The following MFRP variants were observed in gnomAD, a reference collection of about 807,000 sequenced individuals.
MFRP encodes membrane frizzled-related protein, also known as C1q and TNF related 5.
MFRP carries 74 observed loss-of-function variants against 65.8 expected under a neutral mutation model. The ratio of observed to expected loss-of-function variants is 1.12; its 90% CI spans 0.93 to 1.36. The LOEUF is 1.36. Among genes scored for constraint, MFRP ranks in the 40% most tolerant of loss-of-function variants. MFRP has a pLI of 0.00. For missense variants in MFRP, 838 were observed against 736.0 expected (o/e 1.14, Z -1.60); for synonymous variants, 336 against 288.3 (o/e 1.17, Z -1.68).
At position 119,344,974 on chromosome 11, in the gene MFRP, G is replaced by C. The variant is rs1565295079; in HGVS notation, c.672C>G (p.Leu224=). The part of the protein sequence containing the change: ...RVCGRVPPPT[L]NTNASHLLVV... ...CCAGGAGGTGGCTGGCATTGGTGTTGAGCGTGGGGGGAGGCACCCTTCCAC... is the reference window on the plus strand; with the variant it reads ...CCAGGAGGTGGCTGGCATTGGTGTTCAGCGTGGGGGGAGGCACCCTTCCAC... Residue 224 remains leucine (L), a synonymous_variant, in exon 6 of 15, where the codon CTC becomes CTG. Coordinates refer to ENST00000619721, the MANE Select transcript of MFRP (RefSeq NM_031433.4). The C allele has an allele frequency of 2.5e-6, 4 of 1,608,020 alleles. No homozygotes were observed. The highest frequency in any genetic ancestry group is 3.4e-6 in the Non-Finnish European group (4 of 1,178,042).
chr11:119,344,273 C>T (rs1295232487), intron 8 of MFRP, 42 bp downstream of exon 8: 11 of 1,576,346 alleles, frequency 7.0e-6, no homozygotes, highest in Non-Finnish European at 8.7e-6. Context: ...TCAGGTGCTT[C>T]CGTGTGTGCC....
In MFRP at chr11:119,339,767, G is replaced by A. The variant is rs966084500; in HGVS notation, c.*1192C>T. 10 of 1,578,044 alleles carry A rather than the reference G, an allele frequency of 6.3e-6. No individual in the cohort carries two copies. In the African/African-American group the frequency reaches 9.4e-5, roughly 15 times the overall value. On this transcript the variant is annotated 3_prime_UTR_variant, in exon 15 of 15. Coordinates refer to ENST00000619721, the MANE Select transcript of MFRP (RefSeq NM_031433.4). The surrounding 1 kb of genome is among the most constrained non-coding windows in gnomAD (Gnocchi z 5.4). ...GCTGAAGGCGGATCGCGGAGGCACCGAGCACTCCCCGGCAGGCCCGGTGGG... is the reference window on the plus strand; with the variant it reads ...GCTGAAGGCGGATCGCGGAGGCACCAAGCACTCCCCGGCAGGCCCGGTGGG...
rs1565293337 is a variant in MFRP, at chr11:119,342,869, C to G, written c.1255+4G>C. 6.2e-6 allele frequency: 10 copies of G among 1,613,118 alleles called. No homozygotes were observed. The highest frequency in any genetic ancestry group is 8.5e-6 in the Non-Finnish European group (10 of 1,179,938). On this transcript the variant is annotated splice_donor_region_variant and intron_variant, in intron 10 of 14. Transcript: ENST00000619721. ...CCCCCACCCACTTGCCCAGGGGCAC[C>G]TACTCTCCGTGGCATTGAAGGCCAG...
Position 119,339,693 on chromosome 11 carries a change from G to A in MFRP, c.*1266C>T. 1 of 1,608,430 alleles carries A rather than the reference G, an allele frequency of 6.2e-7. No individual in the cohort carries two copies. Among genetic ancestry groups the A allele is most frequent in the Non-Finnish European group, 8.5e-7 (1 of 1,179,550 alleles). ...TCGTTCACCAGCACGCGGTCGAAGG[G>A]CAAGGGTGCGTCAGACGGCGGAGGC... is the stretch of plus-strand genomic sequence containing the variant. On this transcript the variant is annotated 3_prime_UTR_variant, in exon 15 of 15. Coordinates refer to ENST00000619721, the MANE Select transcript of MFRP (RefSeq NM_031433.4). The surrounding 1 kb of genome is among the most constrained non-coding windows in gnomAD (Gnocchi z 5.4).
chr11:119,344,884 G>A lies in MFRP; in HGVS notation c.762C>T (p.Ala254=), dbSNP rs1432762303. The change falls in exon 6 of 15, where the codon GCC becomes GCT. Residue 254 remains alanine (A), a synonymous_variant. Transcript: ENST00000619721. The part of the protein sequence containing the change: ...FGFHAWYQAM[A]PGRGSCAHDE... ...TGGGAACACACTCACCGCGCCCAGG[G>A]GCCATAGCCTGGTACCAGGCATGGA... 20 of 1,613,016 alleles carry A rather than the reference G, an allele frequency of 1.2e-5. No homozygotes were observed. Among genetic ancestry groups the A allele is most frequent in the Non-Finnish European group, 1.7e-5 (20 of 1,179,922 alleles).
chr11:119,345,269 G>A (rs117866758), intron 5 of MFRP, 151 bp downstream of exon 5: 231 of 839,644 alleles, frequency 2.8e-4, no homozygotes, highest in Non-Finnish European at 4.0e-4. Context: ...TCTTCCTCAC[G>A]GCACACAGCA....
At position 119,341,223 on chromosome 11, in the gene MFRP, C is replaced by G; in HGVS notation, c.*325G>C. The G allele has an allele frequency of 1.0e-5, 4 of 395,736 alleles. 1 individual carries two copies. The highest frequency in any genetic ancestry group is 8.9e-5 in the South Asian group (3 of 33,754). The allele number at this position is 395,736 out of a possible 1,614,324, so 24.5% of individuals were successfully genotyped here. On this transcript the variant is annotated 3_prime_UTR_variant, in exon 13 of 15. Transcript: ENST00000619721. The stretch of plus-strand genomic sequence containing the variant: ...GATGCTCAGTACATTTTTGTTGAAT[C>G]AAGGAAAAGGTCAGAAGGCAGGCGA...
chr11:119,345,335 G>T, intron 5 of MFRP, 85 bp downstream of exon 5: 1 of 1,387,188 alleles, frequency 7.2e-7, no homozygotes, highest in South Asian at 1.2e-5. Context: ...TCCTCGGTTA[G>T]CCCTTCTCCC....
chr11:119,345,075 C>G, intron 5 of MFRP, 71 bp from the exon 6 acceptor site: 1 of 1,547,926 alleles, frequency 6.5e-7, no homozygotes. Context: ...CTTGCCTGGG[C>G]CTTGCAGTCC....
At chr11:119,344,044 C>T in intron 8 of MFRP, 80 bp from the exon 9 acceptor site, 2 of 1,579,410 alleles carry the variant, frequency 1.3e-6, no homozygotes, top group Non-Finnish European at 1.7e-6. Context: ...CTTCTTCCCC[C>T]ACTGCTGGCT....
In MFRP at chr11:119,342,637, C is replaced by T; in HGVS notation, c.1346G>A (p.Gly449Asp). 16 of 1,613,626 alleles carry T rather than the reference C, an allele frequency of 9.9e-6. No homozygotes were observed. Among genetic ancestry groups the T allele is most frequent in the Non-Finnish European group, 1.4e-5 (16 of 1,179,938 alleles). Residue 449 changes from glycine (G) to aspartate (D), a missense_variant, in exon 11 of 15, where the codon GGC becomes GAC. Physicochemically the swap from Gly to Asp is moderately conservative, Grantham distance 94 (BLOSUM62 -1). Coordinates refer to ENST00000619721, the MANE Select transcript of MFRP (RefSeq NM_031433.4). ...MCDMWRDCTD[G>D]SDDNCSGPLF... ...GGGGCCGCTGCAGTTGTCATCGCTG[C>T]CATCGGTGCAGTCTCTCCACATGTC...
Position 119,344,885 on chromosome 11 carries a change from G to T in MFRP, c.761C>A (p.Ala254Asp). Residue 254 changes from alanine (A) to aspartate (D), a missense_variant, in exon 6 of 15, where the codon GCC (alanine) becomes GAC (aspartate). Coordinates refer to ENST00000619721, the MANE Select transcript of MFRP (RefSeq NM_031433.4). The part of the protein sequence containing the change: ...FGFHAWYQAM[A>D]PGRGSCAHDE... ...GGGAACACACTCACCGCGCCCAGGG[G>T]CCATAGCCTGGTACCAGGCATGGAA... 1 of 1,612,986 alleles carries T rather than the reference G, an allele frequency of 6.2e-7. No individual in the cohort carries two copies. The highest frequency in any genetic ancestry group is 1.1e-5 in the South Asian group (1 of 91,024).
Position 119,345,778 on chromosome 11 carries a change from T to C in MFRP, c.422A>G (p.Gln141Arg), listed in dbSNP as rs575618592. The C allele has an allele frequency of 2.5e-6, 4 of 1,613,582 alleles. No individual in the cohort carries two copies. The highest frequency in any genetic ancestry group is 2.2e-5 in the South Asian group (2 of 91,084). ...GATCTGCCCCCAGTACTCACTGGAC[T>C]GTGGGGAGGGGCTCACGCCTGACTC... The part of the protein sequence containing the change: ...QQESGVSPSP[Q>R]STCGGLLSGP... Residue 141 changes from glutamine to arginine, a missense_variant, in exon 4 of 15, where the codon CAG (glutamine) becomes CGG (arginine). Coordinates refer to ENST00000619721, the MANE Select transcript of MFRP (RefSeq NM_031433.4).
At position 119,344,432 on chromosome 11, in the gene MFRP, G is replaced by T. The variant is rs752323232; in HGVS notation, c.899-41C>A. The stretch of plus-strand genomic sequence containing the variant: ...AGGGCTCATGAGTTTGCTAGGATCT[G>T]TGCCTCCATCCAATAGGGCTGGCGG... On this transcript the variant is annotated intron_variant, in intron 7 of 14. Coordinates refer to ENST00000619721, the MANE Select transcript of MFRP (RefSeq NM_031433.4). 5.0e-6 allele frequency: 8 copies of T among 1,594,880 alleles called. No homozygotes were observed. In the Admixed American group the frequency reaches 1.4e-4, roughly 27 times the overall value.
At position 119,340,683 on chromosome 11, in the gene MFRP, C is replaced by T. The variant is rs1188120659; in HGVS notation, c.*853+12G>A. ...CCTCCCCAGCCCCTTTCCCCTCCTC[C>T]GCCAGACTCACCCCCCCTCCCGGCT... On this transcript the variant is annotated intron_variant, in intron 13 of 14. Transcript: ENST00000619721. 49 of 464,948 alleles carry T rather than the reference C, an allele frequency of 1.1e-4. 1 individual carries two copies. The highest frequency in any genetic ancestry group is 9.2e-4 in the South Asian group (36 of 38,932). 28.8% of individuals were successfully genotyped at this position (464,948 alleles called of 1,614,324 possible). A position where few individuals can be genotyped will look rare whatever the true frequency, so the allele number is the denominator to read the frequency against.
Position 119,339,245 on chromosome 11 carries a change from G to C in MFRP, c.*1714C>G. ...TCCCTAGTCATTCACAATATTCCAG[G>C]GGGGCCAGCCCTCCTGGATGACCTG... On this transcript the variant is annotated 3_prime_UTR_variant, in exon 15 of 15. Transcript: ENST00000619721. This position sits in a 1 kb window ranked among gnomAD's most constrained non-coding sequence, Gnocchi z 5.4. The C allele has an allele frequency of 2.7e-6, 4 of 1,468,836 alleles. No homozygotes were observed. Among genetic ancestry groups the C allele is most frequent in the Non-Finnish European group, 3.7e-6 (4 of 1,078,936 alleles). 91.0% of individuals were successfully genotyped at this position (1,468,836 alleles called of 1,614,324 possible).
At chr11:119,344,581 T>C (rs1950539088) in intron 7 of MFRP, 51 bp downstream of exon 7, 1 of 1,613,350 alleles carries the variant, frequency 6.2e-7, no homozygotes, top group African/African-American at 1.3e-5. Flanking sequence ...GGAGCCCAGC[T>C]TGAACCCAGA....
At position 119,342,619 on chromosome 11, in the gene MFRP, C is replaced by A; in HGVS notation, c.1364G>T (p.Ser455Ile). ...DCTDGSDDNC[S>I]GPLFPPPELA... ...ACCTGGGGGTGGGAACAAGGGGCCGCTGCAGTTGTCATCGCTGCCATCGGT... is the reference window on the plus strand; with the variant it reads ...ACCTGGGGGTGGGAACAAGGGGCCGATGCAGTTGTCATCGCTGCCATCGGT... Residue 455 changes from serine to isoleucine, a missense_variant, in exon 11 of 15, where the codon AGC becomes ATC. Physicochemically the swap from Ser to Ile is moderately radical, Grantham distance 142 (BLOSUM62 -2). Transcript: ENST00000619721. 6.2e-7 allele frequency: 1 copy of A among 1,613,514 alleles called. No homozygotes were observed. The highest frequency in any genetic ancestry group is 8.5e-7 in the Non-Finnish European group (1 of 1,179,906).
intron 6 of MFRP, 46 bp from the exon 7 acceptor site, chr11:119,344,803 C>T: frequency 6.2e-7 from 1 of 1,613,760 alleles, no homozygotes; most frequent in Non-Finnish European, 8.5e-7. Context: ...GTCTCCACCC[C>T]TTTGACAGGA....
Sources: allele counts gnomAD v4.1 joint callset, GRCh38; gene constraint gnomAD v4.1.1; non-coding constraint Gnocchi (gnomAD v3.1); transcripts MANE v1.5; gene names NCBI Gene and HGNC (gene_info 2026-07-23, HGNC 2026-07-21).